Variants in LMO7 observed in about 807,000 individuals in gnomAD.
LMO7 encodes the protein LIM domain only protein 7.
Under a neutral mutation model 206.5 loss-of-function variants are expected in LMO7, and 120 were observed. That is an observed-to-expected ratio of 0.58 (90% CI 0.50 to 0.68). The LOEUF (loss-of-function observed/expected upper bound fraction) is 0.68. Ranked by LOEUF, LMO7 falls within the 30% of genes least tolerant of loss-of-function variation. The probability of loss-of-function intolerance (pLI) is 0.00; values close to 1 mark genes in which losing one functional copy is unlikely to be tolerated. For missense variants in LMO7, 1,959 were observed against 1,957.9 expected (o/e 1.00, Z -0.01); for synonymous variants, 706 against 681.5 (o/e 1.04, Z -0.56).
At chr13:75,825,204 A>G (rs188349216) in intron 15 of LMO7, among the ~76,000 whole-genome samples, 202 of 152,312 alleles carry the variant, frequency 1.3e-3, no homozygotes, top group African/African-American at 4.6e-3. Context: ...TTAACATGCT[A>G]AGTCTCAGTG....
At chr13:75,720,692 G>A (rs970082754) in intron 2 of LMO7, among the ~76,000 whole-genome samples, 1 of 152,158 alleles carries the variant, frequency 6.6e-6, no homozygotes. Flanking sequence ...CAACAGTGAG[G>A]CTATATAATA....
At chr13:75,799,133 ATGAAATCTCCT>A (rs1185313042) in intron 6 of LMO7, among the ~76,000 whole-genome samples, 4 of 152,248 alleles carry the variant, frequency 2.6e-5, no homozygotes, top group African/African-American at 9.6e-5. Context: ...TCTAAAGCAC[ATGAAATCTCCT>A]TGAAATCTAC....
chr13:75,841,057 C>T, intron 22 of LMO7, 52 bp from the exon 23 acceptor site: 3 of 1,122,454 alleles, frequency 2.7e-6, no homozygotes, highest in South Asian at 1.4e-5. Flanking sequence ...AAGAAGATTC[C>T]TAATGTGAAG....
intron 1 of LMO7, among the ~76,000 whole-genome samples, chr13:75,683,408 TTTGAA>T (rs2040717544): frequency 6.6e-6 from 1 of 152,220 alleles, no homozygotes; most frequent in African/African-American, 2.4e-5. Context: ...TGGTGGACAG[TTTGAA>T]TTGAGGTTTA....
At chr13:75,660,107 G>A (rs1012524151) in intron 1 of LMO7, among the ~76,000 whole-genome samples, 13 of 152,130 alleles carry the variant, frequency 8.5e-5, no homozygotes, top group African/African-American at 2.7e-4. Flanking sequence ...AAAACAACTC[G>A]GAGTATTCAT....
chr13:75,699,073 C>CT (rs924256481), intron 1 of LMO7, among the ~76,000 whole-genome samples: 38 of 152,174 alleles, frequency 2.5e-4, no homozygotes, highest in African/African-American at 7.7e-4. Context: ...CATATTTGGT[C>CT]TTTTTTTACC....
At chr13:75,698,187 T>C (rs2137855021) in intron 1 of LMO7, among the ~76,000 whole-genome samples, 1 of 152,292 alleles carries the variant, frequency 6.6e-6, no homozygotes, top group Non-Finnish European at 1.5e-5. Flanking sequence ...GGAGGAAATA[T>C]CAGAATTTCA....
intron 6 of LMO7, among the ~76,000 whole-genome samples, chr13:75,797,254 G>A (rs1405055974): frequency 6.6e-6 from 1 of 152,200 alleles, no homozygotes; most frequent in African/African-American, 2.4e-5. Flanking sequence ...AGGACATGGT[G>A]TTAACTGGAA....
rs970520194 is a variant in LMO7 at position 75,730,005 on chromosome 13, T to C, written c.210+2907T>C. ...ACTTGATCATGGTGGATAAGCTTTT[T>C]GATGTGCTGCTGGATTCGGTTTGCC... On this transcript the variant is annotated intron_variant, in intron 3 of 30. Transcript: ENST00000377534. 2.0e-4 allele frequency among the ~76,000 whole-genome samples: 30 copies of C among 152,190 alleles called. 1 individual carries two copies. The highest frequency in any genetic ancestry group is 1.5e-3 in the Admixed American group (23 of 15,294).
At chr13:75,670,954 T>A (rs7322210) in intron 1 of LMO7, among the ~76,000 whole-genome samples, 4 of 140,902 alleles carry the variant, frequency 2.8e-5, no homozygotes, top group South Asian at 2.2e-4. Flanking sequence ...CTTTTTTTTT[T>A]AATGTTTAAA....
In LMO7 at chr13:75,821,425, A is replaced by G; in HGVS notation, c.2456A>G (p.Glu819Gly). 6.2e-7 allele frequency: 1 copy of G among 1,614,198 alleles called. No homozygotes were observed. ...CTTCCTTCTCAAAGTCCTGTGGAAG[A>G]ACAAAGCCCAGCCTCTTTGTCTTCT... ...IQLPSQSPVE[E>G]QSPASLSSLR... Residue 819 changes from glutamate (E) to glycine (G), a missense_variant, in exon 14 of 31, where the codon GAA becomes GGA. Transcript: ENST00000377534.
At chr13:75,787,958 T>C (rs2052690913) in intron 4 of LMO7, among the ~76,000 whole-genome samples, 1 of 152,228 alleles carries the variant, frequency 6.6e-6, no homozygotes, top group Non-Finnish European at 1.5e-5. Flanking sequence ...AGAATGGTGA[T>C]TGCACTTTTC....
rs7320216 is a variant in LMO7 at position 75,758,553 on chromosome 13, A to T, written c.211-2379A>T. On this transcript the variant is annotated intron_variant, in intron 3 of 30. Coordinates refer to ENST00000377534, the MANE Select transcript of LMO7 (RefSeq NM_001306080.2). The stretch of plus-strand genomic sequence containing the variant: ...CTGTTTTGGTTAAAATAAAGTCTTT[A>T]TTTAAGGCTAGAATTTAGCCATATT... 2.0e-5 allele frequency among the ~76,000 whole-genome samples: 3 copies of T among 152,066 alleles called. No homozygotes were observed. The East Asian group carries it at 5.8e-4, about 30-fold the overall frequency.
At chr13:75,636,173 C>G, upstream of LMO7, 1 of 422,728 alleles carries the variant, frequency 2.4e-6, no homozygotes, top group Non-Finnish European at 3.2e-6. Context: ...CCGGGCCAGA[C>G]AGTCTGACCA....
intron 1 of LMO7, among the ~76,000 whole-genome samples, chr13:75,636,995 C>G (rs7327313): frequency 0.03 from 4,498 of 152,304 alleles, 214 homozygotes; most frequent in African/African-American, 0.1. Context: ...GTTCGCCTGC[C>G]GGCATCGCGC....
intron 4 of LMO7, among the ~76,000 whole-genome samples, chr13:75,761,641 G>A (rs1388957061): frequency 6.6e-6 from 1 of 152,010 alleles, no homozygotes; most frequent in African/African-American, 2.4e-5. Flanking sequence ...TAGATTTTTG[G>A]TGAAAAATGG....
intron 3 of LMO7, among the ~76,000 whole-genome samples, chr13:75,727,387 A>G (rs2044580602): frequency 6.6e-6 from 1 of 151,936 alleles, no homozygotes; most frequent in Non-Finnish European, 1.5e-5. Context: ...AGTGGTTACT[A>G]ATTTCTAAAC....
intron 1 of LMO7, among the ~76,000 whole-genome samples, chr13:75,696,801 C>T (rs28634531): frequency 3.3e-5 from 5 of 151,976 alleles, no homozygotes; most frequent in Admixed American, 6.5e-5. Flanking sequence ...TTCCCAAGCT[C>T]CCATGCCTGC....
intron 2 of LMO7, among the ~76,000 whole-genome samples, chr13:75,626,592 TAAA>T (rs201349624): frequency 0.15 from 18,401 of 120,980 alleles, 3,659 homozygotes; most frequent in East Asian, 0.39. Flanking sequence ...TATATATATA[TAAA>T]TTTTTTTGAG....
Sources: allele counts gnomAD v4.1 joint callset (sites outside exome capture counted in the v4.1 genomes callset), GRCh38; gene constraint gnomAD v4.1.1; transcripts MANE v1.5; gene names NCBI Gene and HGNC (gene_info 2026-07-23, HGNC 2026-07-21).